MTMR12: variants seen among roughly 807,000 people sequenced by gnomAD.
The protein encoded by MTMR12 is myotubularin-related protein 12.
In MTMR12, 33 loss-of-function variants were observed where a neutral mutation model predicts 96.7. The observed-to-expected ratio is 0.34, with a 90% CI of 0.26 to 0.46. The LOEUF is 0.46. MTMR12 is among the 20% of genes least tolerant of loss of function. The probability of loss-of-function intolerance (pLI) is 1.00; values close to 1 mark genes in which losing one functional copy is unlikely to be tolerated. For synonymous variants in MTMR12, 298 were observed against 327.2 expected (o/e 0.91, Z 0.96); for missense variants, 721 against 896.1 (o/e 0.80, Z 2.49).
chr5:32,288,690 T>C (rs1750638544), intron 1 of MTMR12, among the ~76,000 whole-genome samples: 1 of 152,252 alleles, frequency 6.6e-6, no homozygotes, highest in African/African-American at 2.4e-5. Flanking sequence ...GTAGGGACTC[T>C]GCTTTTAATG....
At chr5:32,288,271 G>C (rs145196565) in intron 1 of MTMR12, among the ~76,000 whole-genome samples, 1 of 152,062 alleles carries the variant, frequency 6.6e-6, no homozygotes, top group Admixed American at 6.6e-5. Context: ...TTGCCAGAAG[G>C]AACAGCTTCC....
At chr5:32,299,054 C>T (rs530368318) in intron 1 of MTMR12, among the ~76,000 whole-genome samples, 5 of 150,356 alleles carry the variant, frequency 3.3e-5, no homozygotes, top group East Asian at 1.9e-4. Context: ...CACATGAATG[C>T]GCACACACAC....
chr5:32,270,215 GA>G (rs1054372769), intron 5 of MTMR12, among the ~76,000 whole-genome samples: 5 of 150,976 alleles, frequency 3.3e-5, no homozygotes, highest in South Asian at 2.1e-4. Flanking sequence ...AAAAAAAAAA[GA>G]AAAAAAAATC....
intron 10 of MTMR12, chr5:32,247,738 G>A (rs536430635): frequency 1.3e-5 from 13 of 985,134 alleles, no homozygotes; most frequent in Non-Finnish European, 1.6e-5. Context: ...TCACCACTGG[G>A]CAAATGGTAT....
intron 1 of MTMR12, among the ~76,000 whole-genome samples, chr5:32,297,517 T>G (rs939405709): frequency 1.3e-5 from 2 of 151,676 alleles, no homozygotes; most frequent in African/African-American, 4.8e-5. Flanking sequence ...ATCCTTTTCT[T>G]CACATTTAGA....
At chr5:32,299,368 C>T (rs1264901549) in intron 1 of MTMR12, among the ~76,000 whole-genome samples, 2 of 152,146 alleles carry the variant, frequency 1.3e-5, no homozygotes, top group Non-Finnish European at 2.9e-5. Context: ...CCACATTATA[C>T]TGAAAGTAAA....
At position 32,233,634 on chromosome 5, in the gene MTMR12, T is replaced by A. The variant is rs544416674; in HGVS notation, c.1674+139A>T. 1.6e-6 allele frequency: 2 copies of A among 1,215,634 alleles called. No individual in the cohort carries two copies. The highest frequency in any genetic ancestry group is 4.7e-5 in the East Asian group (2 of 42,372). 75.3% of individuals were successfully genotyped at this position (1,215,634 alleles called of 1,614,324 possible). A position where few individuals can be genotyped will look rare whatever the true frequency, so the allele number is the denominator to read the frequency against. On this transcript the variant is annotated intron_variant, in intron 15 of 15. Transcript: ENST00000382142. The surrounding 1 kb of genome is among the most constrained non-coding windows in gnomAD (Gnocchi z 5.0). ...AAGGATTCTAATGGCCCTTGACAAT[T>A]TGACCATCACAAGTCTCAACTCTGC... is the stretch of plus-strand genomic sequence containing the variant.
chr5:32,301,748 G>A (rs147015674), intron 1 of MTMR12, among the ~76,000 whole-genome samples: 360 of 152,074 alleles, frequency 2.4e-3, no homozygotes, highest in African/African-American at 8.4e-3. Flanking sequence ...AAAATTAACC[G>A]GGCATGGTGG....
chr5:32,306,200 A>G (rs894739356), intron 1 of MTMR12, among the ~76,000 whole-genome samples: 3 of 152,196 alleles, frequency 2.0e-5, no homozygotes, highest in African/African-American at 4.8e-5. Flanking sequence ...CCGAGATCAG[A>G]CTGCTCTAGT....
intron 12 of MTMR12, among the ~76,000 whole-genome samples, chr5:32,240,142 T>C (rs942038293): frequency 6.6e-6 from 1 of 152,206 alleles, no homozygotes; most frequent in African/African-American, 2.4e-5. Context: ...GGCTCATGCC[T>C]GTAATCCCAG....
chr5:32,302,722 TAA>T (rs754140107), intron 1 of MTMR12, among the ~76,000 whole-genome samples: 9 of 93,418 alleles, frequency 9.6e-5, no homozygotes, highest in Admixed American at 2.3e-4. Flanking sequence ...AGACTCCGTA[TAA>T]AAAAAAAAAA....
At chr5:32,273,865 C>G in intron 3 of MTMR12, 115 bp downstream of exon 3, 1 of 1,436,332 alleles carries the variant, frequency 7.0e-7, no homozygotes, top group South Asian at 1.3e-5. Context: ...GGATTTCTGT[C>G]CTTTGTGTTT....
At chr5:32,243,032 G>A (rs1748543459) in intron 11 of MTMR12, among the ~76,000 whole-genome samples, 1 of 152,174 alleles carries the variant, frequency 6.6e-6, no homozygotes, top group South Asian at 2.1e-4. Flanking sequence ...TGGCAACAGA[G>A]AAGAGCTATT....
chr5:32,251,328 A>C (rs1055704393), intron 8 of MTMR12, among the ~76,000 whole-genome samples: 2 of 152,170 alleles, frequency 1.3e-5, no homozygotes, highest in African/African-American at 4.8e-5. Context: ...TAATAGAGTC[A>C]AAAACAGAGC....
At chr5:32,266,806 G>A (rs978527242) in intron 6 of MTMR12, among the ~76,000 whole-genome samples, 4 of 150,584 alleles carry the variant, frequency 2.7e-5, no homozygotes, top group African/African-American at 7.3e-5. Context: ...GGAGCCGGGC[G>A]AGCTGGCTCA....
intron 1 of MTMR12, among the ~76,000 whole-genome samples, chr5:32,297,307 T>C (rs1381580868): frequency 6.6e-6 from 1 of 152,146 alleles, no homozygotes; most frequent in Non-Finnish European, 1.5e-5. Context: ...GACCTGTTAT[T>C]CCCCACTCAA....
chr5:32,277,422 A>G (rs766413277), intron 1 of MTMR12, among the ~76,000 whole-genome samples: 4 of 152,064 alleles, frequency 2.6e-5, no homozygotes, highest in Non-Finnish European at 5.9e-5. Context: ...GAGATGGCCC[A>G]GCGTGGTGGC....
intron 4 of MTMR12, 74 bp downstream of exon 4, chr5:32,271,759 C>A (rs1581621140): frequency 2.3e-6 from 2 of 866,730 alleles, no homozygotes; most frequent in South Asian, 6.0e-5. Flanking sequence ...TATAAATGGT[C>A]ATAAAAATAT....
At chr5:32,265,459 A>C (rs933243391) in intron 6 of MTMR12, among the ~76,000 whole-genome samples, 2 of 152,252 alleles carry the variant, frequency 1.3e-5, no homozygotes, top group African/African-American at 4.8e-5. Flanking sequence ...ATCAGGATAC[A>C]AGGAAAATCA....
Sources: allele counts gnomAD v4.1 joint callset (sites outside exome capture counted in the v4.1 genomes callset), GRCh38; gene constraint gnomAD v4.1.1; non-coding constraint Gnocchi (gnomAD v3.1); transcripts MANE v1.5; gene names NCBI Gene and HGNC (gene_info 2026-07-23, HGNC 2026-07-21).